The following TRAF3IP2 variants were observed in gnomAD, a reference collection of about 807,000 sequenced individuals.
TRAF3IP2 encodes E3 ubiquitin ligase TRAF3IP2.
Under a neutral mutation model 57.9 loss-of-function variants are expected in TRAF3IP2, and 35 were observed. That is an observed-to-expected ratio of 0.60 (90% confidence interval 0.46 to 0.80). The LOEUF is 0.80. TRAF3IP2 is among the 30% of genes least tolerant of loss of function. The pLI, the probability that TRAF3IP2 is intolerant of heterozygous loss-of-function variation, is 0.00. For missense variants in TRAF3IP2, 556 were observed against 706.4 expected, an observed-to-expected ratio of 0.79 and a Z score of 2.41; for synonymous variants, 251 against 268.9, an observed-to-expected ratio of 0.93 and a Z score of 0.65.
At chr6:111,593,180 G>T (rs1301726466) in intron 1 of TRAF3IP2, among the ~76,000 whole-genome samples, 1 of 152,198 alleles carries the variant, frequency 6.6e-6, no homozygotes, top group Non-Finnish European at 1.5e-5. Context: ...GAGCAAGCAA[G>T]TGAAAAAGAA....
chr6:111,575,598 A>AT, intron 4 of TRAF3IP2, 45 bp downstream of exon 4: 1 of 1,560,274 alleles, frequency 6.4e-7, no homozygotes, highest in Non-Finnish European at 8.6e-7. Flanking sequence ...AAAAAAAAAA[A>AT]AAAAAAAAAA....
chr6:111,598,496 C>G (rs994368362), intron 1 of TRAF3IP2, among the ~76,000 whole-genome samples: 7 of 152,194 alleles, frequency 4.6e-5, no homozygotes, highest in Non-Finnish European at 1.0e-4. Flanking sequence ...ACTCCACATC[C>G]TTTAAGAATG....
chr6:111,562,575 G>A (rs934884516), intron 8 of TRAF3IP2, among the ~76,000 whole-genome samples: 1 of 152,120 alleles, frequency 6.6e-6, no homozygotes, highest in Admixed American at 6.5e-5. Flanking sequence ...CAGACATGGT[G>A]GTTCATATCT....
At chr6:111,563,130 T>A in intron 7 of TRAF3IP2, 91 bp from the exon 8 acceptor site, 1 of 916,792 alleles carries the variant, frequency 1.1e-6, no homozygotes. Flanking sequence ...ATGGCATTTT[T>A]ATTCTGATTT....
At chr6:111,575,855 T>C (rs747625783) in intron 3 of TRAF3IP2, 34 bp from the exon 4 acceptor site, 1 of 1,596,330 alleles carries the variant, frequency 6.3e-7, no homozygotes, top group East Asian at 2.2e-5. Context: ...CAATTTTCAT[T>C]CTTTACAAAG....
chr6:111,565,129 C>T (rs1436340214), intron 7 of TRAF3IP2: 1 of 152,226 alleles, frequency 6.6e-6, no homozygotes, highest in Non-Finnish European at 1.5e-5. Flanking sequence ...TCGGCTCTTC[C>T]TTCAGTTTGG....
intron 1 of TRAF3IP2, chr6:111,598,258 T>C: frequency 5.4e-6 from 1 of 185,674 alleles, no homozygotes; most frequent in Non-Finnish European, 1.1e-5. Flanking sequence ...AAGGGAAATG[T>C]GATCTGTGCA....
chr6:111,587,617 T>C (rs181446417), intron 2 of TRAF3IP2, among the ~76,000 whole-genome samples: 237 of 152,208 alleles, frequency 1.6e-3, no homozygotes, highest in Middle Eastern at 3.4e-3. Context: ...ACCTGTCTCC[T>C]CTTAATTCCC....
rs58088162 is a variant in TRAF3IP2, at chr6:111,568,432, A to AGTGT, written c.1291-744_1291-741dup. 5.1e-3 allele frequency among the ~76,000 whole-genome samples: 750 copies of AGTGT among 146,710 alleles called. 4 individuals are homozygous for AGTGT. The highest frequency in any genetic ancestry group is 0.011 in the Middle Eastern group (3 of 280). On this transcript the variant is annotated intron_variant, in intron 5 of 8. Transcript: ENST00000368761. Reference sequence around the variant, plus strand: ...TCTTGGGCTCAGGCTTATACTGCAGAGTGTGTGTGTGTGTGTGTGTGTGTG... The same window carrying AGTGT: ...TCTTGGGCTCAGGCTTATACTGCAGAGTGTGTGTGTGTGTGTGTGTGTGTGTGTG...
In TRAF3IP2 at chr6:111,569,546, G is replaced by A. The variant is rs191069885; in HGVS notation, c.1291-1854C>T. 1.2e-3 allele frequency among the ~76,000 whole-genome samples: 174 copies of A among 144,798 alleles called. 2 individuals are homozygous for A. Among genetic ancestry groups the A allele is most frequent in the South Asian group, 7.9e-3 (36 of 4,570 alleles). The allele number at this position is 144,798 out of a possible 152,430, so 95.0% of individuals were successfully genotyped here. On this transcript the variant is annotated intron_variant, in intron 5 of 8. Coordinates refer to ENST00000368761, the MANE Select transcript of TRAF3IP2 (RefSeq NM_147686.4). The stretch of plus-strand genomic sequence containing the variant: ...GGGGGCAGATCACTTGAGGTTAGGA[G>A]TGTGAGACCAGCCTGGCAAACATGG...
At chr6:111,571,748 A>C (rs771816479) in intron 5 of TRAF3IP2, among the ~76,000 whole-genome samples, 22 of 151,962 alleles carry the variant, frequency 1.4e-4, no homozygotes, top group Non-Finnish European at 2.5e-4. Context: ...AACATAGTGA[A>C]ACCCCATCTC....
intron 1 of TRAF3IP2, chr6:111,601,135 GA>G (rs1309749260): frequency 1.4e-6 from 1 of 731,794 alleles, no homozygotes; most frequent in East Asian, 2.5e-5. Flanking sequence ...GAAGAAAGGG[GA>G]TGGGGAAGCC....
At chr6:111,592,173 C>T (rs961645545) in intron 1 of TRAF3IP2, 79 bp from the exon 2 acceptor site, 1 of 1,214,776 alleles carries the variant, frequency 8.2e-7, no homozygotes, top group East Asian at 2.3e-5. Flanking sequence ...CTTAAGGGAC[C>T]TCATTCAAGA....
intron 5 of TRAF3IP2, chr6:111,572,599 C>T (rs1051686133): frequency 1.8e-5 from 5 of 283,512 alleles, no homozygotes; most frequent in Non-Finnish European, 3.3e-5. Flanking sequence ...AGCAAGAGCC[C>T]GGCGTTTCCT....
rs75778663 is a variant in TRAF3IP2 at position 111,593,218 on chromosome 6, G to A, written c.-8-1124C>T. On this transcript the variant is annotated intron_variant, in intron 1 of 8. Transcript: ENST00000368761. ...AATCCCAGAGGGTTATTCTATGCAA[G>A]GCTAGTACACAGCATACTTCAAATA... Among the ~76,000 whole-genome samples, 1,434 of 152,294 alleles carry A rather than the reference G, an allele frequency of 9.4e-3. 5 individuals carry two copies. The highest frequency in any genetic ancestry group is 0.014 in the Non-Finnish European group (978 of 68,024).
Position 111,591,912 on chromosome 6 carries a change from C to T in TRAF3IP2, c.175G>A (p.Asp59Asn). ...AGGGTTGAGTGAGCTTGAGAAAAGT[C>T]TCCGGAGGAATTGTGAAGCATTGTG... ...APTMLHNSSGDFSQAHSTLKL... is the reference protein window; with the variant it reads ...APTMLHNSSGNFSQAHSTLKL... The change falls in exon 2 of 9, where the codon GAC becomes AAC. Residue 59 changes from aspartate (D) to asparagine (N), a missense_variant. By Grantham distance (23) the Asp-to-Asn change is conservative. Around this residue, in one of 2 missense-constraint regions of TRAF3IP2, gnomAD observed 428 missense variants for 498.7 expected, o/e 0.86. Coordinates refer to ENST00000368761, the MANE Select transcript of TRAF3IP2 (RefSeq NM_147686.4). The surrounding 1 kb of genome is among the most constrained non-coding windows in gnomAD (Gnocchi z 4.9). 1 of 1,614,218 alleles carries T rather than the reference C, an allele frequency of 6.2e-7. No individual in the cohort carries two copies. The highest frequency in any genetic ancestry group is 8.5e-7 in the Non-Finnish European group (1 of 1,180,048).
chr6:111,598,815 A>G (rs763185909), intron 1 of TRAF3IP2, among the ~76,000 whole-genome samples: 1 of 152,246 alleles, frequency 6.6e-6, no homozygotes, highest in Non-Finnish European at 1.5e-5. Flanking sequence ...GCTCACAAAG[A>G]TTAAGAACCA....
At position 111,556,102 on chromosome 6, in the gene TRAF3IP2, CAAA is replaced by C. The variant is rs35454154; in HGVS notation, c.*3300_*3302del. ...TGGGTGACAGAGCGAGACTACGTCTCAAAAAAAAAAAAAAAAAAATGCTTTGAT... is the reference window on the plus strand; with the variant it reads ...TGGGTGACAGAGCGAGACTACGTCTCAAAAAAAAAAAAAAAATGCTTTGAT... On this transcript the variant is annotated 3_prime_UTR_variant, in exon 9 of 9. Transcript: ENST00000368761. Among the ~76,000 whole-genome samples, 4,466 of 122,556 alleles carry C rather than the reference CAAA, an allele frequency of 0.036. 71 individuals are homozygous for C. Among genetic ancestry groups the C allele is most frequent in the East Asian group, 0.074 (306 of 4,108 alleles). The allele number at this position is 122,556 out of a possible 152,430, so 80.4% of individuals were successfully genotyped here. A position where few individuals can be genotyped will look rare whatever the true frequency, so the allele number is the denominator to read the frequency against.
intron 2 of TRAF3IP2, 106 bp from the exon 3 acceptor site, chr6:111,580,495 G>T: frequency 1.0e-6 from 1 of 989,930 alleles, no homozygotes; most frequent in Non-Finnish European, 1.4e-6. Context: ...CCAGCTGAGG[G>T]GTCCAGATAT....
Sources: gnomAD v4.1 joint callset for allele counts (sites outside exome capture counted in the v4.1 genomes callset) on GRCh38, gnomAD v4.1.1 for gene constraint, gnomAD v4.1.1 regional missense constraint, Gnocchi (gnomAD v3.1) non-coding constraint, MANE v1.5 for transcripts, NCBI Gene and HGNC (gene_info 2026-07-23, HGNC 2026-07-21) for gene names.